Variants in DNMT3A observed in about 807,000 individuals in gnomAD.
DNMT3A encodes DNA methyltransferase 3 alpha, also known as DNA (cytosine-5)-methyltransferase 3A.
A neutral mutation model predicts 117.6 loss-of-function variants in DNMT3A; 267 were observed. The ratio of observed to expected loss-of-function variants is 2.27; its 90% CI spans 2.05 to 2.51. The LOEUF (loss-of-function observed/expected upper bound fraction) is 2.51. Among genes scored for constraint, DNMT3A ranks in the 30% most tolerant of loss-of-function variants. The pLI is 0.00. For missense variants in DNMT3A, 1,029 were observed against 1,260.2 expected (o/e 0.82, Z 2.78); for synonymous variants, 432 against 474.8 (o/e 0.91, Z 1.17).
chr2:25,336,235 G>C (rs1187332417), intron 1 of DNMT3A, among the ~76,000 whole-genome samples: 1 of 152,236 alleles, frequency 6.6e-6, no homozygotes, highest in Non-Finnish European at 1.5e-5. Flanking sequence ...TCTGCCCAGC[G>C]TGTGTGTTGG....
rs1036696061 is a variant in DNMT3A, at chr2:25,246,763, C to G, written c.1136G>C (p.Arg379Pro). 6.2e-7 allele frequency: 1 copy of G among 1,613,464 alleles called. No individual in the cohort carries two copies. The highest frequency in any genetic ancestry group is 8.5e-7 in the Non-Finnish European group (1 of 1,179,966). Residue 379 changes from arginine (R) to proline (P), a missense_variant, in exon 10 of 23, where the codon CGC (arginine) becomes CCC (proline). Coordinates refer to ENST00000321117, the MANE Select transcript of DNMT3A (RefSeq NM_022552.5). ...IYEVLQVASS[R>P]AGKLFPVCHD... is the part of the protein sequence containing the mutation. ...GCACACCGGGAACAGCTTCCCCGCG[C>G]GGCTGCTGGCCACCTGGAGGGTGAC...
intron 2 of DNMT3A, among the ~76,000 whole-genome samples, chr2:25,312,568 G>A (rs1353486153): frequency 6.6e-6 from 1 of 152,132 alleles, no homozygotes; most frequent in African/African-American, 2.4e-5. Flanking sequence ...GGAAGGGCTC[G>A]GACCTGGGAG....
At position 25,247,185 on chromosome 2, in the gene DNMT3A, GC is replaced by G. The variant is rs751478148; in HGVS notation, c.1015-28del. On this transcript the variant is annotated intron_variant, in intron 8 of 22. Transcript: ENST00000321117. The surrounding 1 kb of genome is among the most constrained non-coding windows in gnomAD (Gnocchi z 5.6). ...TGGGGGGACAAGCCAGGCCTTGTTT[GC>G]CGAGGCTTACACTTGCAAGCACCCA... is the stretch of plus-strand genomic sequence containing the variant. The G allele has an allele frequency of 1.4e-5, 22 of 1,609,228 alleles. No individual in the cohort carries two copies. The highest frequency in any genetic ancestry group is 1.8e-5 in the Non-Finnish European group (21 of 1,177,366).
intron 1 of DNMT3A, among the ~76,000 whole-genome samples, chr2:25,321,484 A>G (rs931761234): frequency 2.6e-5 from 4 of 152,134 alleles, no homozygotes; most frequent in African/African-American, 9.7e-5. Flanking sequence ...CCTCATCTCT[A>G]GGTCATTAAT....
chr2:25,332,400 C>T (rs2035047894), intron 1 of DNMT3A, among the ~76,000 whole-genome samples: 1 of 152,196 alleles, frequency 6.6e-6, no homozygotes, highest in African/African-American at 2.4e-5. Flanking sequence ...CTTCTCTGAG[C>T]CCTGGTAATC....
rs140995288 is a variant in DNMT3A at position 25,328,607 on chromosome 2, C to T, written c.-178+13219G>A. 3.1e-4 allele frequency: 152 copies of T among 490,232 alleles called. No homozygotes were observed. In the Middle Eastern group the frequency reaches 3.2e-3, roughly 10 times the overall value. 30.4% of individuals were successfully genotyped at this position (490,232 alleles called of 1,614,324 possible). On this transcript the variant is annotated intron_variant, in intron 1 of 22. Transcript: ENST00000321117. ...TCCCCCCCGCCCACAGCTTGTCCCC[C>T]GCAACCCCGTTCCGGGTGACCCTGG...
chr2:25,338,911 G>A (rs185123404), intron 1 of DNMT3A, among the ~76,000 whole-genome samples: 2 of 152,130 alleles, frequency 1.3e-5, no homozygotes, highest in Non-Finnish European at 2.9e-5. Flanking sequence ...GACTTGAAAA[G>A]GAAACCTCAG....
At chr2:25,248,962 A>G (rs1000669169) in intron 6 of DNMT3A, among the ~76,000 whole-genome samples, 1 of 152,156 alleles carries the variant, frequency 6.6e-6, no homozygotes, top group Non-Finnish European at 1.5e-5. Flanking sequence ...GGTGTGCTGC[A>G]CCCATTAACT....
intron 6 of DNMT3A, among the ~76,000 whole-genome samples, chr2:25,264,432 G>A (rs774882676): frequency 6.8e-6 from 1 of 147,038 alleles, no homozygotes; most frequent in Non-Finnish European, 1.5e-5. Context: ...GAGCCACTGT[G>A]CTGGGCCAAA....
At chr2:25,264,605 G>T (rs1351959807) in intron 6 of DNMT3A, among the ~76,000 whole-genome samples, 4 of 151,844 alleles carry the variant, frequency 2.6e-5, no homozygotes, top group Non-Finnish European at 5.9e-5. Context: ...GTAGCTGGGA[G>T]GTGCCTGCCA....
intron 1 of DNMT3A, among the ~76,000 whole-genome samples, chr2:25,320,024 C>T (rs1038985652): frequency 2.0e-5 from 3 of 152,180 alleles, no homozygotes; most frequent in African/African-American, 7.2e-5. Flanking sequence ...CCCGCCTCGG[C>T]CTCCCAAAGT....
intron 3 of DNMT3A, among the ~76,000 whole-genome samples, chr2:25,299,095 C>T (rs2033268493): frequency 6.6e-6 from 1 of 152,210 alleles, no homozygotes; most frequent in South Asian, 2.1e-4. Flanking sequence ...CCTTCTTGCT[C>T]CAAGTTTACC....
At chr2:25,260,119 C>T (rs1210058691) in intron 6 of DNMT3A, among the ~76,000 whole-genome samples, 1 of 152,200 alleles carries the variant, frequency 6.6e-6, no homozygotes, top group Non-Finnish European at 1.5e-5. Context: ...ACGTGATTAA[C>T]CTGGCCCAGG....
chr2:25,287,799 G>T (rs2032427863), intron 3 of DNMT3A, among the ~76,000 whole-genome samples: 1 of 151,796 alleles, frequency 6.6e-6, no homozygotes, highest in South Asian at 2.1e-4. Context: ...CTGGGCTGAG[G>T]GTAGGGGCAA....
At chr2:25,272,312 A>G (rs2149360857) in intron 6 of DNMT3A, among the ~76,000 whole-genome samples, 1 of 152,338 alleles carries the variant, frequency 6.6e-6, no homozygotes, top group South Asian at 2.1e-4. Flanking sequence ...AAATTTTAGT[A>G]GAGACCTAAA....
intron 1 of DNMT3A, among the ~76,000 whole-genome samples, chr2:25,319,470 C>T (rs2034511499): frequency 1.3e-5 from 2 of 152,196 alleles, no homozygotes; most frequent in South Asian, 4.1e-4. Context: ...CATCTTCAGA[C>T]ATATGAGGCC....
At position 25,313,980 on chromosome 2, in the gene DNMT3A, G is replaced by T; in HGVS notation, c.5C>A (p.Pro2His). The change falls in exon 2 of 23, where the codon CCC becomes CAC. Residue 2 changes from proline (P) to histidine (H), a missense_variant. Pro to His is a moderately conservative substitution (Grantham distance 77). Transcript: ENST00000321117. M[P>H]AMPSSGPGDT... Reference sequence around the variant, plus strand: ...CCCGGGGCCGCTGGAGGGCATGGCGGGCATCTGGGCGCCGGGAGGCAGGCT... The same window carrying T: ...CCCGGGGCCGCTGGAGGGCATGGCGTGCATCTGGGCGCCGGGAGGCAGGCT... 6.5e-7 allele frequency: 1 copy of T among 1,543,654 alleles called. No homozygotes were observed. Among genetic ancestry groups the T allele is most frequent in the South Asian group, 1.2e-5 (1 of 83,162 alleles).
In DNMT3A at chr2:25,234,037, G is replaced by T; in HGVS notation, c.*242C>A. The T allele has an allele frequency of 2.4e-6, 1 of 411,442 alleles. No individual in the cohort carries two copies. Among genetic ancestry groups the T allele is most frequent in the Non-Finnish European group, 4.0e-6 (1 of 247,914 alleles). The allele number at this position is 411,442 out of a possible 1,614,324, so 25.5% of individuals were successfully genotyped here. A position where few individuals can be genotyped will look rare whatever the true frequency, so the allele number is the denominator to read the frequency against. ...AAGGGGGAGGAAGGGAAGGGAGCTT[G>T]GTTTTGTTTTTAAATAGGACTGAAG... On this transcript the variant is annotated 3_prime_UTR_variant, in exon 23 of 23. Coordinates refer to ENST00000321117, the MANE Select transcript of DNMT3A (RefSeq NM_022552.5). The surrounding 1 kb of genome is among the most constrained non-coding windows in gnomAD (Gnocchi z 4.5).
chr2:25,241,524 G>A (rs747346970), intron 17 of DNMT3A, 38 bp downstream of exon 17: 1 of 1,591,634 alleles, frequency 6.3e-7, no homozygotes, highest in South Asian at 1.1e-5. Flanking sequence ...AGTGTGCAGG[G>A]AGGGGAAGAC....
Sources: gnomAD v4.1 joint callset for allele counts (sites outside exome capture counted in the v4.1 genomes callset) on GRCh38, gnomAD v4.1.1 for gene constraint, Gnocchi (gnomAD v3.1) non-coding constraint, MANE v1.5 for transcripts, NCBI Gene and HGNC (gene_info 2026-07-23, HGNC 2026-07-21) for gene names.